The following CPT1A variants were observed in gnomAD, a reference collection of about 807,000 sequenced individuals.
CPT1A encodes carnitine O-palmitoyltransferase 1, liver isoform.
In CPT1A, 64 loss-of-function variants were observed where a neutral mutation model predicts 100.8. The ratio of observed to expected loss-of-function variants is 0.63; its 90% CI spans 0.52 to 0.78. CPT1A has a LOEUF of 0.78. Among genes scored for constraint, CPT1A ranks in the 30% least tolerant of loss-of-function variants. CPT1A has a pLI of 0.00. For missense variants in CPT1A, 802 were observed against 1,034.1 expected, an observed-to-expected ratio of 0.78 and a Z score of 3.08; for synonymous variants, 363 against 396.0, an observed-to-expected ratio of 0.92 and a Z score of 0.99.
chr11:68,798,577 C>T (rs542721815), intron 6 of CPT1A, among the ~76,000 whole-genome samples: 3 of 152,166 alleles, frequency 2.0e-5, no homozygotes, highest in African/African-American at 2.4e-5. Flanking sequence ...CCAGCTAAGA[C>T]GCTTCGTTGG....
At chr11:68,798,897 C>T (rs1385601108) in intron 6 of CPT1A, among the ~76,000 whole-genome samples, 1 of 152,120 alleles carries the variant, frequency 6.6e-6, no homozygotes, top group Non-Finnish European at 1.5e-5. Flanking sequence ...TGTGGTGGCT[C>T]ATGCCTATGA....
chr11:68,814,907 A>C (rs530822995), intron 2 of CPT1A, among the ~76,000 whole-genome samples: 9 of 151,676 alleles, frequency 5.9e-5, no homozygotes, highest in African/African-American at 2.2e-4. Flanking sequence ...GGCTGGTCTT[A>C]AACTCCTGAG....
intron 1 of CPT1A, among the ~76,000 whole-genome samples, chr11:68,820,688 G>GA (rs1269274182): frequency 2.6e-5 from 4 of 151,314 alleles, no homozygotes; most frequent in Admixed American, 6.6e-5. Flanking sequence ...TCTCAAAAAA[G>GA]AAAAAAAATC....
intron 1 of CPT1A, among the ~76,000 whole-genome samples, chr11:68,820,244 C>T (rs910005613): frequency 1.3e-5 from 2 of 152,038 alleles, no homozygotes; most frequent in Admixed American, 1.3e-4. Context: ...CTTGCCCAGA[C>T]TGGTCTCGAA....
chr11:68,834,477 T>C (rs1285602440), intron 1 of CPT1A, among the ~76,000 whole-genome samples: 4 of 151,790 alleles, frequency 2.6e-5, no homozygotes, highest in African/African-American at 9.7e-5. Context: ...CTGGACTGGG[T>C]ATGGTGGCTC....
At chr11:68,814,467 C>T (rs1425384048) in intron 2 of CPT1A, among the ~76,000 whole-genome samples, 4 of 151,502 alleles carry the variant, frequency 2.6e-5, no homozygotes, top group Admixed American at 2.0e-4. Context: ...CCACCACGCC[C>T]GGCTAATTTT....
At position 68,807,486 on chromosome 11, in the gene CPT1A, C is replaced by T. The variant is rs373015421; in HGVS notation, c.434G>A (p.Arg145His). ...AATTACCATCCAGATCTTGGTGGCA[C>T]GACTCATCTTGCCGTGCTCAGTGAA... ...WMFTEHGKMS[R>H]ATKIWMGMVK... Residue 145 changes from arginine to histidine, a missense_variant, in exon 4 of 19, where the codon CGT becomes CAT. Arg to His is a conservative substitution (Grantham distance 29, BLOSUM62 0). This residue lies in a region of CPT1A where 161 missense variants were observed against 183.7 expected (regional missense o/e 0.88). Coordinates refer to ENST00000265641, the MANE Select transcript of CPT1A (RefSeq NM_001876.4). The T allele has an allele frequency of 3.5e-5, 57 of 1,613,952 alleles. No individual in the cohort carries two copies. In the East Asian group the frequency reaches 4.2e-4, roughly 12 times the overall value.
chr11:68,781,725 CA>C, intron 11 of CPT1A, 45 bp downstream of exon 11: 1 of 1,577,798 alleles, frequency 6.3e-7, no homozygotes, highest in Non-Finnish European at 8.7e-7. Context: ...GTATTTCTTC[CA>C]AGCTCATGGG....
At chr11:68,832,385 G>A (rs1335587978) in intron 1 of CPT1A, among the ~76,000 whole-genome samples, 3 of 152,312 alleles carry the variant, frequency 2.0e-5, no homozygotes, top group African/African-American at 4.8e-5. Flanking sequence ...GGCAGGTGGA[G>A]GTTGCAGTGA....
At position 68,762,671 on chromosome 11, in the gene CPT1A, CAG is replaced by C; in HGVS notation, c.1829_1830del (p.Thr610ArgfsTer28). ...GRTETVRSCT[T>X]ESCDFVRAMV... ...ATGGCCCGCACGAAGTCGCATGACT[CAG>C]TGGTGCAGGAGCGCACGGTCTCCGT... On this transcript the variant is annotated frameshift_variant, in exon 15 of 19. Transcript: ENST00000265641. LOFTEE classifies it high-confidence loss of function. 1.2e-6 allele frequency: 2 copies of C among 1,614,022 alleles called. No homozygotes were observed. The highest frequency in any genetic ancestry group is 1.7e-6 in the Non-Finnish European group (2 of 1,180,046).
At position 68,809,510 on chromosome 11, in the gene CPT1A, T is replaced by C. The variant is rs569952082; in HGVS notation, c.282-1872A>G. ...GACTCCACTTTTTTATTCTTTCTTT[T>C]TTTTAAGAGATAGGGTCTCACTATG... On this transcript the variant is annotated intron_variant, in intron 3 of 18. Transcript: ENST00000265641. 4.6e-5 allele frequency among the ~76,000 whole-genome samples: 7 copies of C among 152,284 alleles called. No individual in the cohort carries two copies. The South Asian group carries it at 1.4e-3, about 32-fold the overall frequency.
At chr11:68,811,273 A>T (rs1176420144) in intron 3 of CPT1A, among the ~76,000 whole-genome samples, 1 of 152,118 alleles carries the variant, frequency 6.6e-6, no homozygotes, top group African/African-American at 2.4e-5. Context: ...AAGTCCTGGG[A>T]TTACAGGTGT....
At chr11:68,817,446 C>T (rs976460252) in intron 1 of CPT1A, among the ~76,000 whole-genome samples, 2 of 152,120 alleles carry the variant, frequency 1.3e-5, no homozygotes, top group Non-Finnish European at 2.9e-5. Flanking sequence ...GAGCTGCACA[C>T]CAGCAGAAAA....
chr11:68,754,785 G>A (rs751915817), downstream of CPT1A: 3 of 780,920 alleles, frequency 3.8e-6, no homozygotes, highest in South Asian at 4.0e-5. Context: ...CCAAGGCCTT[G>A]TTTCCATATG....
rs1289209794 is a variant in CPT1A at position 68,755,119 on chromosome 11, T to C, written c.*2525A>G. ...CCCCTCTTTCTCCCCTCAAGGAATA[T>C]AAAATTGCATTGATAACTGCACTGA... On this transcript the variant is annotated 3_prime_UTR_variant, in exon 19 of 19. Transcript: ENST00000265641. 8.8e-6 allele frequency: 4 copies of C among 455,434 alleles called. No individual in the cohort carries two copies. The highest frequency in any genetic ancestry group is 1.9e-5 in the African/African-American group (1 of 51,378). 28.2% of individuals were successfully genotyped at this position (455,434 alleles called of 1,614,324 possible).
Position 68,804,115 on chromosome 11 carries a change from AT to A in CPT1A, c.454-15del, listed in dbSNP as rs1212356575. 1 of 1,598,710 alleles carries A rather than the reference AT, an allele frequency of 6.3e-7. No homozygotes were observed. The highest frequency in any genetic ancestry group is 1.3e-5 in the African/African-American group (1 of 74,730). ...CTTGACCATACCCTGAAGAGAGAGA[AT>A]TATATTTTCAGACTACTGCCATACT... On this transcript the variant is annotated splice_polypyrimidine_tract_variant and intron_variant, in intron 4 of 18. Coordinates refer to ENST00000265641, the MANE Select transcript of CPT1A (RefSeq NM_001876.4).
intron 1 of CPT1A, among the ~76,000 whole-genome samples, chr11:68,824,331 G>A (rs867103498): frequency 1.3e-4 from 20 of 152,018 alleles, no homozygotes; most frequent in Admixed American, 3.9e-4. Flanking sequence ...GCAGGGCAAG[G>A]GCTGAAAAAT....
intron 9 of CPT1A, among the ~76,000 whole-genome samples, chr11:68,785,354 A>G (rs1855428589): frequency 6.6e-6 from 1 of 152,052 alleles, no homozygotes; most frequent in South Asian, 2.1e-4. Context: ...TGAGGTCAGG[A>G]GTTCGAGACC....
At chr11:68,761,259 A>G (rs544784038) in intron 16 of CPT1A, among the ~76,000 whole-genome samples, 5 of 149,858 alleles carry the variant, frequency 3.3e-5, no homozygotes, top group African/African-American at 9.8e-5. Flanking sequence ...CTCACAGCTC[A>G]TCACTCCCTA....
Sources: allele counts gnomAD v4.1 joint callset (sites outside exome capture counted in the v4.1 genomes callset), GRCh38; gene constraint gnomAD v4.1.1; regional missense constraint gnomAD v4.1.1; transcripts MANE v1.5; gene names NCBI Gene and HGNC (gene_info 2026-07-23, HGNC 2026-07-21).